RARB: variants seen among roughly 807,000 people sequenced by gnomAD.
RARB encodes the protein retinoic acid receptor beta.
RARB carries 17 observed loss-of-function variants against 51.9 expected under a neutral mutation model. The ratio of observed to expected loss-of-function variants is 0.33; its 90% CI spans 0.22 to 0.49. The LOEUF is 0.49. Among genes scored for constraint, RARB ranks in the 20% least tolerant of loss-of-function variants. The probability of loss-of-function intolerance (pLI) is 0.99; values close to 1 mark genes in which losing one functional copy is unlikely to be tolerated. For synonymous variants in RARB, 215 were observed against 195.4 expected, an observed-to-expected ratio of 1.10 and a Z score of -0.84; for missense variants, 369 against 550.8, an observed-to-expected ratio of 0.67 and a Z score of 3.30.
chr3:25,314,316 C>G (rs1704365268), intron 5 of RARB, among the ~76,000 whole-genome samples: 1 of 152,136 alleles, frequency 6.6e-6, no homozygotes, highest in Non-Finnish European at 1.5e-5. Context: ...TGTCTTTCCT[C>G]ACTATGCTAA....
intron 5 of RARB, among the ~76,000 whole-genome samples, chr3:25,337,092 C>G (rs62235570): frequency 2.0e-5 from 3 of 152,060 alleles, no homozygotes; most frequent in African/African-American, 4.8e-5. Flanking sequence ...TGGGATGCCC[C>G]TGAAAAGTGA....
At chr3:24,876,301 T>G (rs1202826717) in intron 2 of RARB, among the ~76,000 whole-genome samples, 1 of 152,162 alleles carries the variant, frequency 6.6e-6, no homozygotes, top group Non-Finnish European at 1.5e-5. Context: ...TGGTGGATCT[T>G]GTCTATGACA....
At chr3:25,041,440 T>C (rs1698112367) in intron 2 of RARB, among the ~76,000 whole-genome samples, 1 of 152,108 alleles carries the variant, frequency 6.6e-6, no homozygotes, top group Non-Finnish European at 1.5e-5. Flanking sequence ...ATAAATATTC[T>C]GTCTTTTCCC....
At chr3:25,315,318 G>C (rs1279530407) in intron 5 of RARB, among the ~76,000 whole-genome samples, 1 of 152,150 alleles carries the variant, frequency 6.6e-6, no homozygotes, top group Admixed American at 6.5e-5. Flanking sequence ...GTATAATGCA[G>C]GGGATAGCAA....
chr3:25,567,676 C>T (rs1385674466), intron 3 of RARB, among the ~76,000 whole-genome samples: 1 of 152,184 alleles, frequency 6.6e-6, no homozygotes, highest in Non-Finnish European at 1.5e-5. Context: ...AGAGGAATTG[C>T]TGCGTCACAT....
chr3:25,026,246 T>A (rs1697746128), intron 2 of RARB, among the ~76,000 whole-genome samples: 1 of 152,236 alleles, frequency 6.6e-6, no homozygotes, highest in South Asian at 2.1e-4. Context: ...TACAGCAGTG[T>A]ATTAGTCTGC....
intron 4 of RARB, among the ~76,000 whole-genome samples, chr3:25,576,106 C>T (rs935509410): frequency 1.5e-5 from 2 of 136,752 alleles, no homozygotes; most frequent in African/African-American, 5.4e-5. Context: ...AGCATGAACA[C>T]GGCACAGGGT....
At chr3:24,976,188 G>T (rs953238816) in intron 2 of RARB, among the ~76,000 whole-genome samples, 1 of 152,124 alleles carries the variant, frequency 6.6e-6, no homozygotes, top group Non-Finnish European at 1.5e-5. Context: ...ATTTGGGTTG[G>T]TTCCAAGTCT....
At chr3:25,366,960 G>A (rs9853460) in intron 5 of RARB, among the ~76,000 whole-genome samples, 56,909 of 151,876 alleles carry the variant, frequency 0.37, 11,272 homozygotes, top group East Asian at 0.75. Context: ...GCAACAGGCA[G>A]AATGTCGTAA....
At chr3:24,954,324 G>T (rs1695962989) in intron 2 of RARB, among the ~76,000 whole-genome samples, 1 of 152,172 alleles carries the variant, frequency 6.6e-6, no homozygotes, top group African/African-American at 2.4e-5. Context: ...AAAGGACTTT[G>T]TAGAATTAGT....
At chr3:25,278,662 T>C (rs182611448) in intron 5 of RARB, among the ~76,000 whole-genome samples, 3 of 152,228 alleles carry the variant, frequency 2.0e-5, no homozygotes, top group Non-Finnish European at 4.4e-5. Context: ...AACCCAGATA[T>C]AGCTTCTTGA....
chr3:25,541,076 C>G (rs1395857744), intron 3 of RARB, among the ~76,000 whole-genome samples: 1 of 152,210 alleles, frequency 6.6e-6, no homozygotes, highest in African/African-American at 2.4e-5. Flanking sequence ...TTTTTTGGAA[C>G]ACAACCATGC....
At chr3:25,075,231 C>T (rs1286095014) in intron 3 of RARB, among the ~76,000 whole-genome samples, 3 of 152,092 alleles carry the variant, frequency 2.0e-5, no homozygotes, top group Non-Finnish European at 4.4e-5. Flanking sequence ...GTTTTGTCCT[C>T]GAGTTTGCTA....
At chr3:25,463,623 A>C (rs1031299988) in intron 2 of RARB, among the ~76,000 whole-genome samples, 1 of 151,732 alleles carries the variant, frequency 6.6e-6, no homozygotes, top group Non-Finnish European at 1.5e-5. Context: ...AGATCGCGCC[A>C]CTGGACTCCA....
rs376375418 is a variant in RARB, at chr3:25,229,656, CT to C, written c.178+55091del. On this transcript the variant is annotated intron_variant, in intron 5 of 11. Transcript: ENST00000383772. ...AAGTTCTATGCTTTGAATGGGCACC[CT>C]TTTTTTTTTCTTTAATGCAACAGAC... is the stretch of plus-strand genomic sequence containing the variant. Among the ~76,000 whole-genome samples, 1,036 of 148,974 alleles carry C rather than the reference CT, an allele frequency of 7.0e-3. 6 individuals are homozygous for C. Among genetic ancestry groups the C allele is most frequent in the Middle Eastern group, 0.01 (3 of 290 alleles).
intron 2 of RARB, among the ~76,000 whole-genome samples, chr3:24,951,162 C>T (rs188436597): frequency 6.6e-6 from 1 of 152,268 alleles, no homozygotes; most frequent in Non-Finnish European, 1.5e-5. Flanking sequence ...TATGTGCACA[C>T]TCTTACCACT....
chr3:25,144,779 G>A (rs935994160), intron 4 of RARB, among the ~76,000 whole-genome samples: 4 of 152,172 alleles, frequency 2.6e-5, no homozygotes, highest in African/African-American at 9.6e-5. Flanking sequence ...CTGGCCGATA[G>A]GAGCATGTGA....
rs553232495 is a variant in RARB at position 25,503,691 on chromosome 3, C to T, written c.448+2368C>T. On this transcript the variant is annotated intron_variant, in intron 3 of 7. Transcript: ENST00000330688. Reference sequence around the variant, plus strand: ...AGGAAATTGAAGGGAAAGAAATAAACACTTGGAATGTAGAGATTGAGAGTC... The same window carrying T: ...AGGAAATTGAAGGGAAAGAAATAAATACTTGGAATGTAGAGATTGAGAGTC... Among the ~76,000 whole-genome samples the T allele has an allele frequency of 1.1e-4, 17 of 152,208 alleles. No homozygotes were observed. The Middle Eastern group carries it at 0.017, about 152-fold the overall frequency.
intron 1 of RARB, among the ~76,000 whole-genome samples, chr3:25,446,151 T>C (rs1708921455): frequency 6.6e-6 from 1 of 152,256 alleles, no homozygotes; most frequent in Non-Finnish European, 1.5e-5. Context: ...TACAACACAC[T>C]GTAGTGTTAG....
Sources: gnomAD v4.1 joint callset for allele counts (sites outside exome capture counted in the v4.1 genomes callset) on GRCh38, gnomAD v4.1.1 for gene constraint, MANE v1.5 for transcripts, NCBI Gene and HGNC (gene_info 2026-07-23, HGNC 2026-07-21) for gene names.